CDH13: variants seen among roughly 807,000 people sequenced by gnomAD.
CDH13 encodes cadherin-13.
In CDH13, 24 loss-of-function variants were observed where a neutral mutation model predicts 63.8. The ratio of observed to expected loss-of-function variants is 0.38; its 90% CI spans 0.27 to 0.53. The LOEUF (loss-of-function observed/expected upper bound fraction) is 0.53, where lower values mean the gene tolerates loss of function less well. CDH13 is among the 20% of genes least tolerant of loss of function. The pLI is 0.85. For missense variants in CDH13, 1,049 were observed against 903.1 expected (o/e 1.16, Z -2.07); for synonymous variants, 503 against 355.3 (o/e 1.42, Z -4.67).
chr16:83,341,619 C>T (rs1362821649), intron 5 of CDH13, among the ~76,000 whole-genome samples: 1 of 152,144 alleles, frequency 6.6e-6, no homozygotes, highest in Non-Finnish European at 1.5e-5. Context: ...GCATGATATA[C>T]TTCTTTCTCA....
intron 7 of CDH13, among the ~76,000 whole-genome samples, chr16:83,495,899 C>T (rs1012349442): frequency 2.0e-5 from 3 of 152,022 alleles, no homozygotes; most frequent in Non-Finnish European, 4.4e-5. Context: ...TGAGTGAACT[C>T]CCATTCACAA....
At chr16:82,670,468 A>G (rs564216537) in intron 1 of CDH13, among the ~76,000 whole-genome samples, 2 of 152,238 alleles carry the variant, frequency 1.3e-5, no homozygotes, top group Admixed American at 6.5e-5. Flanking sequence ...GGAATTAATA[A>G]AAGCTCACAT....
intron 5 of CDH13, among the ~76,000 whole-genome samples, chr16:83,257,954 A>C (rs1232678510): frequency 6.6e-6 from 1 of 152,118 alleles, no homozygotes; most frequent in Non-Finnish European, 1.5e-5. Flanking sequence ...TTTTAATATT[A>C]GTCATTCTAA....
chr16:83,432,787 TC>T (rs1322446836), intron 6 of CDH13, among the ~76,000 whole-genome samples: 4 of 152,170 alleles, frequency 2.6e-5, no homozygotes, highest in African/African-American at 9.7e-5. Context: ...CCTCAGAGCA[TC>T]CCTGATCAGG....
intron 7 of CDH13, among the ~76,000 whole-genome samples, chr16:83,550,714 A>G (rs1046447000): frequency 1.3e-5 from 2 of 152,112 alleles, no homozygotes; most frequent in African/African-American, 4.8e-5. Flanking sequence ...TACTTTGTTC[A>G]CTGTTCTATC....
intron 8 of CDH13, among the ~76,000 whole-genome samples, chr16:83,621,209 G>A (rs1204042358): frequency 1.3e-5 from 2 of 152,182 alleles, no homozygotes; most frequent in Non-Finnish European, 2.9e-5. Flanking sequence ...TACCAGTCCA[G>A]TGCCAGTAGA....
chr16:82,914,400 C>T (rs143619150), intron 2 of CDH13, among the ~76,000 whole-genome samples: 73 of 152,252 alleles, frequency 4.8e-4, no homozygotes, highest in African/African-American at 1.6e-3. Context: ...CTACGTTCAG[C>T]AATTTTAAGC....
At chr16:83,053,160 A>G (rs1195944814) in intron 3 of CDH13, among the ~76,000 whole-genome samples, 15 of 152,240 alleles carry the variant, frequency 9.9e-5, no homozygotes, top group Admixed American at 9.8e-4. Flanking sequence ...ATTAAATAAT[A>G]TCATCTAATA....
At chr16:82,992,945 C>T (rs890699305) in intron 2 of CDH13, among the ~76,000 whole-genome samples, 3 of 152,084 alleles carry the variant, frequency 2.0e-5, no homozygotes, top group African/African-American at 7.2e-5. Flanking sequence ...TTAGCTGAGA[C>T]CACCCCACGT....
At chr16:83,315,106 G>A (rs567393192) in intron 5 of CDH13, among the ~76,000 whole-genome samples, 1 of 152,350 alleles carries the variant, frequency 6.6e-6, no homozygotes, top group African/African-American at 2.4e-5. Flanking sequence ...ACAGAATGCA[G>A]AAGAACAACC....
At chr16:83,773,639 C>G (rs762913680) in intron 11 of CDH13, among the ~76,000 whole-genome samples, 1 of 152,090 alleles carries the variant, frequency 6.6e-6, no homozygotes, top group Non-Finnish European at 1.5e-5. Flanking sequence ...GACACAAAGC[C>G]AAACCATATC....
At chr16:83,778,267 T>G (rs1915257629) in intron 11 of CDH13, among the ~76,000 whole-genome samples, 1 of 152,234 alleles carries the variant, frequency 6.6e-6, no homozygotes, top group African/African-American at 2.4e-5. Context: ...CAATGGCTCA[T>G]GCCTGTAATC....
At chr16:83,088,175 C>A (rs532154908) in intron 3 of CDH13, among the ~76,000 whole-genome samples, 5 of 152,286 alleles carry the variant, frequency 3.3e-5, no homozygotes, top group Admixed American at 6.5e-5. Context: ...CAAAAGCCTT[C>A]GAAATTCCTG....
intron 8 of CDH13, among the ~76,000 whole-genome samples, chr16:83,620,982 G>C (rs1909759107): frequency 6.6e-6 from 1 of 152,128 alleles, no homozygotes; most frequent in Admixed American, 6.5e-5. Context: ...GTGAATATCT[G>C]AAAGCACCTG....
At chr16:82,637,762 A>T (rs1181549886) in intron 1 of CDH13, 1 of 152,176 alleles carries the variant, frequency 6.6e-6, no homozygotes, top group East Asian at 1.9e-4. Context: ...ACAGATGAAG[A>T]AACTGGTGAG....
chr16:83,397,866 A>C (rs1409572430), intron 6 of CDH13: 1 of 152,218 alleles, frequency 6.6e-6, no homozygotes, highest in African/African-American at 2.4e-5. Flanking sequence ...CATTTGTTAT[A>C]AATGAAGAAA....
In CDH13 at chr16:83,132,595, C is replaced by G. The variant is rs183159154; in HGVS notation, c.483+7094C>G. ...CCTAACTGGGACTACAGGTGGATGC[C>G]ACCACGCCCAGCTAATTTTTGTATT... On this transcript the variant is annotated intron_variant, in intron 4 of 13. Transcript: ENST00000567109. Among the ~76,000 whole-genome samples the G allele has an allele frequency of 3.5e-3, 525 of 151,938 alleles. 3 individuals are homozygous for G. Among genetic ancestry groups the G allele is most frequent in the South Asian group, 0.025 (122 of 4,806 alleles).
intron 8 of CDH13, among the ~76,000 whole-genome samples, chr16:83,649,069 A>T (rs1323993565): frequency 6.6e-6 from 1 of 152,224 alleles, no homozygotes; most frequent in African/African-American, 2.4e-5. Context: ...AAAATTTCTT[A>T]ACTCTGTGAC....
At position 82,992,436 on chromosome 16, in the gene CDH13, A is replaced by G. The variant is rs143544911; in HGVS notation, c.158-39574A>G. Among the ~76,000 whole-genome samples, 267 of 152,340 alleles carry G rather than the reference A, an allele frequency of 1.8e-3. 4 individuals are homozygous for G. Among genetic ancestry groups the G allele is most frequent in the Admixed American group, 0.014 (214 of 15,306 alleles). ...TATCTTTAAGCTAGAGTCTCTTATCAGTGAGACTTTGGGCTCTACGTGCAG... is the reference window on the plus strand; with the variant it reads ...TATCTTTAAGCTAGAGTCTCTTATCGGTGAGACTTTGGGCTCTACGTGCAG... On this transcript the variant is annotated intron_variant, in intron 2 of 13. Coordinates refer to ENST00000567109, the MANE Select transcript of CDH13 (RefSeq NM_001257.5).
Sources: allele counts gnomAD v4.1 joint callset (sites outside exome capture counted in the v4.1 genomes callset), GRCh38; gene constraint gnomAD v4.1.1; transcripts MANE v1.5; gene names NCBI Gene and HGNC (gene_info 2026-07-23, HGNC 2026-07-21).